Variants in GCA observed in about 807,000 individuals in gnomAD.
GCA encodes the protein grancalcin, EF-hand calcium-binding protein.
GCA carries 30 observed loss-of-function variants against 32.6 expected under a neutral mutation model. That is an observed-to-expected ratio of 0.92 (90% CI 0.69 to 1.25). The LOEUF (loss-of-function observed/expected upper bound fraction) is 1.25, where lower values mean the gene tolerates loss of function less well. GCA is among the 50% of genes most tolerant of loss of function. The pLI, the probability that GCA is intolerant of heterozygous loss-of-function variation, is 0.00. For missense variants in GCA, 291 were observed against 266.8 expected, an observed-to-expected ratio of 1.09 and a Z score of -0.63; for synonymous variants, 102 against 84.6, an observed-to-expected ratio of 1.21 and a Z score of -1.13.
In GCA at chr2:162,361,684, A is replaced by C; in HGVS notation, c.*1441A>C. ...GTCAAATTCACTTGGTCAGTTTTAT[A>C]AAAATGTGTGAATAGGTAATACACA... On this transcript the variant is annotated 3_prime_UTR_variant, in exon 8 of 8. Transcript: ENST00000437150. 1.0e-6 allele frequency: 1 copy of C among 984,044 alleles called. No individual in the cohort carries two copies. Among genetic ancestry groups the C allele is most frequent in the Non-Finnish European group, 1.2e-6 (1 of 828,840 alleles). 61.0% of individuals were successfully genotyped at this position (984,044 alleles called of 1,614,324 possible).
At position 162,344,284 on chromosome 2, in the gene GCA, C is replaced by T; in HGVS notation, c.27+9C>T. 1.2e-6 allele frequency: 2 copies of T among 1,613,448 alleles called. No individual in the cohort carries two copies. Among genetic ancestry groups the T allele is most frequent in the Non-Finnish European group, 1.7e-6 (2 of 1,179,700 alleles). On this transcript the variant is annotated intron_variant, in intron 1 of 7. Coordinates refer to ENST00000437150, the MANE Select transcript of GCA (RefSeq NM_012198.5). ...CGGGATACGGAGGAGGGGTGAGTCC[C>T]AGCCGCTTGGTCGTGTCCCTCTTCC...
At chr2:162,323,988 A>G (rs1338434884) in intron 1 of GCA, among the ~76,000 whole-genome samples, 1 of 152,002 alleles carries the variant, frequency 6.6e-6, no homozygotes. Flanking sequence ...GAATCTGTAA[A>G]TTACCTTGGG....
At position 162,360,720 on chromosome 2, in the gene GCA, AGTTTGTTCCTTGATCAAAT is replaced by A; in HGVS notation, c.*478_*496del. ...GGATTTTGTGCCATGTTTGTAATAT[AGTTTGTTCCTTGATCAAAT>A]AATCAGAGAAAAGAAACTTAAAGAT... On this transcript the variant is annotated 3_prime_UTR_variant, in exon 8 of 8. Coordinates refer to ENST00000437150, the MANE Select transcript of GCA (RefSeq NM_012198.5). The A allele has an allele frequency of 7.2e-7, 1 of 1,389,122 alleles. No individual in the cohort carries two copies. Among genetic ancestry groups the A allele is most frequent in the East Asian group, 2.8e-5 (1 of 35,814 alleles). The allele number at this position is 1,389,122 out of a possible 1,614,324, so 86.0% of individuals were successfully genotyped here. A position where few individuals can be genotyped will look rare whatever the true frequency, so the allele number is the denominator to read the frequency against.
In GCA at chr2:162,361,193, CAGTA is replaced by C. The variant is rs1263381260; in HGVS notation, c.*955_*958del. Reference sequence around the variant, plus strand: ...AGTGGTGGCTTTGCCATTAAAAACCCAGTAAGTATTTTGAGTGCATCTATGTGAT... The same window carrying C: ...AGTGGTGGCTTTGCCATTAAAAACCCAGTATTTTGAGTGCATCTATGTGAT... On this transcript the variant is annotated 3_prime_UTR_variant, in exon 8 of 8. Transcript: ENST00000437150. 1.0e-6 allele frequency: 1 copy of C among 984,836 alleles called. No homozygotes were observed. Among genetic ancestry groups the C allele is most frequent in the African/African-American group, 1.8e-5 (1 of 57,132 alleles). 61.0% of individuals were successfully genotyped at this position (984,836 alleles called of 1,614,324 possible).
chr2:162,353,442 T>C (rs965460358), intron 3 of GCA, among the ~76,000 whole-genome samples: 4 of 152,182 alleles, frequency 2.6e-5, no homozygotes, highest in Non-Finnish European at 5.9e-5. Flanking sequence ...CACTCCAGCC[T>C]GGTGACAGAG....
In GCA at chr2:162,360,735, C is replaced by A. The variant is rs771193686; in HGVS notation, c.*492C>A. 7 of 1,395,690 alleles carry A rather than the reference C, an allele frequency of 5.0e-6. No homozygotes were observed. Among genetic ancestry groups the A allele is most frequent in the South Asian group, 1.7e-5 (1 of 58,784 alleles). 86.5% of individuals were successfully genotyped at this position (1,395,690 alleles called of 1,614,324 possible). On this transcript the variant is annotated 3_prime_UTR_variant, in exon 8 of 8. Coordinates refer to ENST00000437150, the MANE Select transcript of GCA (RefSeq NM_012198.5). ...TTTGTAATATAGTTTGTTCCTTGAT[C>A]AAATAATCAGAGAAAAGAAACTTAA... is the stretch of plus-strand genomic sequence containing the variant.
At chr2:162,345,526 G>A (rs1405638281) in intron 1 of GCA, among the ~76,000 whole-genome samples, 2 of 152,134 alleles carry the variant, frequency 1.3e-5, no homozygotes, top group African/African-American at 4.8e-5. Flanking sequence ...AAATAATTTG[G>A]TGCTTCCTTA....
chr2:162,358,574 TGTAGA>T (rs960707090), intron 5 of GCA, among the ~76,000 whole-genome samples: 2 of 151,356 alleles, frequency 1.3e-5, no homozygotes, highest in Non-Finnish European at 3.0e-5. Flanking sequence ...TTTTTTCCCC[TGTAGA>T]GTAATCATGT....
chr2:162,338,135 A>G (rs777100009), intron 1 of GCA, among the ~76,000 whole-genome samples: 9 of 152,224 alleles, frequency 5.9e-5, no homozygotes, highest in Admixed American at 1.3e-4. Context: ...AATGTGCAAA[A>G]TAGCTGTGAA....
rs182912309 is a variant in GCA at position 162,361,932 on chromosome 2, C to T, written c.*1689C>T. ...AGATGGTCGTTACTGAACTATTCTG[C>T]GGTCGATTATGATTATCTCTCTTAC... On this transcript the variant is annotated 3_prime_UTR_variant, in exon 8 of 8. Transcript: ENST00000437150. 36 of 984,090 alleles carry T rather than the reference C, an allele frequency of 3.7e-5. No homozygotes were observed. The highest frequency in any genetic ancestry group is 5.2e-4 in the Middle Eastern group (1 of 1,914). The allele number at this position is 984,090 out of a possible 1,614,324, so 61.0% of individuals were successfully genotyped here.
At position 162,360,373 on chromosome 2, in the gene GCA, T is replaced by C; in HGVS notation, c.*130T>C. 2.2e-6 allele frequency: 3 copies of C among 1,382,558 alleles called. No individual in the cohort carries two copies. The highest frequency in any genetic ancestry group is 2.8e-5 in the East Asian group (1 of 35,646). 85.6% of individuals were successfully genotyped at this position (1,382,558 alleles called of 1,614,324 possible). Reference sequence around the variant, plus strand: ...CTGTTAAACCTCTTCCCTTTCTGTGTGTTTTTATTTTAGCAGATAGTTCAA... The same window carrying C: ...CTGTTAAACCTCTTCCCTTTCTGTGCGTTTTTATTTTAGCAGATAGTTCAA... On this transcript the variant is annotated 3_prime_UTR_variant, in exon 8 of 8. Transcript: ENST00000437150.
At chr2:162,334,455 A>T (rs77603194) in intron 1 of GCA, among the ~76,000 whole-genome samples, 53 of 152,162 alleles carry the variant, frequency 3.5e-4, no homozygotes, top group Admixed American at 3.5e-3. Flanking sequence ...TAAGCTGCTC[A>T]GGGCCCAAGA....
chr2:162,364,242 T>C (rs1317693290), downstream of GCA, among the ~76,000 whole-genome samples: 1 of 151,510 alleles, frequency 6.6e-6, no homozygotes, highest in Non-Finnish European at 1.5e-5. Context: ...GTTGTAATTA[T>C]TGAATTTTCA....
downstream of GCA, among the ~76,000 whole-genome samples, chr2:162,366,453 C>A (rs1576307996): frequency 6.6e-6 from 1 of 151,822 alleles, no homozygotes; most frequent in African/African-American, 2.4e-5. Context: ...TATACATAAG[C>A]CTCACGGTAA....
At chr2:162,352,429 T>G in intron 3 of GCA, 22 bp downstream of exon 3, 1 of 1,375,474 alleles carries the variant, frequency 7.3e-7, no homozygotes, top group Non-Finnish European at 1.0e-6. Context: ...TTTCCCCTTT[T>G]GTTGAAATTA....
chr2:162,347,533 A>T lies in GCA; in HGVS notation c.28-45A>T, dbSNP rs369059176. 3 of 1,169,418 alleles carry T rather than the reference A, an allele frequency of 2.6e-6. No homozygotes were observed. In the African/African-American group the frequency reaches 4.6e-5, roughly 18 times the overall value. The allele number at this position is 1,169,418 out of a possible 1,614,324, so 72.4% of individuals were successfully genotyped here. On this transcript the variant is annotated intron_variant, in intron 1 of 7. Transcript: ENST00000437150. ...TTTTAATCCAACTTTCATAGATAATAGGTAGTATTTATATTACTAACCTTC... is the reference window on the plus strand; with the variant it reads ...TTTTAATCCAACTTTCATAGATAATTGGTAGTATTTATATTACTAACCTTC...
chr2:162,346,428 C>T (rs1265534338), intron 1 of GCA, among the ~76,000 whole-genome samples: 1 of 152,176 alleles, frequency 6.6e-6, no homozygotes, highest in Non-Finnish European at 1.5e-5. Flanking sequence ...TTTACCACTC[C>T]CCTTATCGAA....
At chr2:162,338,389 C>A (rs1243067570) in intron 1 of GCA, among the ~76,000 whole-genome samples, 12 of 152,132 alleles carry the variant, frequency 7.9e-5, no homozygotes, top group Admixed American at 7.9e-4. Flanking sequence ...TGTAACAGGA[C>A]TACTCTAACT....
chr2:162,368,822 A>G lies in GCA; in HGVS notation c.366-2484A>G, dbSNP rs147489373. Among the ~76,000 whole-genome samples, 76 of 152,146 alleles carry G rather than the reference A, an allele frequency of 5.0e-4. 1 individual carries two copies. In the East Asian group the frequency reaches 0.014, roughly 28 times the overall value. ...TCCTATGTTTGTTGACTGAGTGATT[A>G]TTAATTTAAAAACCCCATGAGAATT... is the stretch of plus-strand genomic sequence containing the variant. On this transcript the variant is annotated intron_variant, in intron 4 of 4. Transcript: ENST00000414723.
Sources: gnomAD v4.1 joint callset for allele counts (sites outside exome capture counted in the v4.1 genomes callset) on GRCh38, gnomAD v4.1.1 for gene constraint, MANE v1.5 for transcripts, NCBI Gene and HGNC (gene_info 2026-07-23, HGNC 2026-07-21) for gene names.